The following DMD variants were observed in gnomAD, a reference collection of about 807,000 sequenced individuals.
DMD encodes mutant dystrophin.
In DMD, 63 loss-of-function variants were observed where a neutral mutation model predicts 330.1. The observed-to-expected ratio is 0.19, with a 90% CI of 0.16 to 0.24. DMD has a LOEUF of 0.24. Ranked by LOEUF, DMD falls within the 10% of genes least tolerant of loss-of-function variation. DMD has a pLI of 1.00. For synonymous variants in DMD, 1,223 were observed against 959.8 expected (o/e 1.27, Z -5.07); for missense variants, 3,344 against 2,684.1 (o/e 1.25, Z -5.43).
chrX:31,537,082 T>C (rs2073462541), intron 55 of DMD, among the ~76,000 whole-genome samples: 1 of 112,298 alleles, frequency 8.9e-6, no homozygotes, highest in South Asian at 3.6e-4. Flanking sequence ...TACCACCAAG[T>C]AATTACTGAG....
intron 60 of DMD, among the ~76,000 whole-genome samples, chrX:31,393,698 G>A (rs183995681): frequency 1.1e-3 from 117 of 110,965 alleles, no homozygotes; most frequent in Non-Finnish European, 1.6e-3. Flanking sequence ...CTCTTTGAGC[G>A]AGTGCTATTA....
rs142443049 is a variant in DMD at position 33,192,935 on chromosome X, T to G, written c.31+18347A>C. Among the ~76,000 whole-genome samples, 65 of 112,122 alleles carry G rather than the reference T, an allele frequency of 5.8e-4. No individual in the cohort carries two copies. The East Asian group carries it at 0.017, about 30-fold the overall frequency. Reference sequence around the variant, plus strand: ...ACAGGTGTTCACTCACACAGATGCATTCACGTACACACTATGAAACTTGAG... The same window carrying G: ...ACAGGTGTTCACTCACACAGATGCAGTCACGTACACACTATGAAACTTGAG... On this transcript the variant is annotated intron_variant, in intron 1 of 78. Transcript: ENST00000357033.
chrX:31,223,179 A>T, intron 63 of DMD, 58 bp from the exon 64 acceptor site: 1 of 1,038,291 alleles, frequency 9.6e-7, no homozygotes, highest in Non-Finnish European at 1.4e-6. Context: ...CAGACAACCC[A>T]CCCCCGACGC....
At chrX:32,411,697 T>A (rs1163092177) in intron 30 of DMD, 55 bp downstream of exon 30, 3 of 1,165,168 alleles carry the variant, frequency 2.6e-6, no homozygotes, top group Non-Finnish European at 3.5e-6. Context: ...CACTGCAACA[T>A]TTTGTTGAAG....
At chrX:31,888,548 T>C (rs759097463) in intron 47 of DMD, among the ~76,000 whole-genome samples, 50 of 112,078 alleles carry the variant, frequency 4.5e-4, no homozygotes, top group Non-Finnish European at 7.5e-4. Flanking sequence ...GCACGTAGTA[T>C]GAAATATTTG....
In DMD at chrX:31,728,077, C is replaced by T. The variant is rs1337537382; in HGVS notation, c.7660+1554G>A. ...TCGCTCTGTCGCCCAGGCTGGAGTGCAGTGGCGCAATCTCGGCTCACTGCA... is the reference window on the plus strand; with the variant it reads ...TCGCTCTGTCGCCCAGGCTGGAGTGTAGTGGCGCAATCTCGGCTCACTGCA... On this transcript the variant is annotated intron_variant, in intron 52 of 78. Transcript: ENST00000357033. Among the ~76,000 whole-genome samples, 3 of 112,638 alleles carry T rather than the reference C, an allele frequency of 2.7e-5. No homozygotes were observed. In the East Asian group the frequency reaches 8.4e-4, roughly 32 times the overall value.
intron 44 of DMD, among the ~76,000 whole-genome samples, chrX:32,053,634 T>G (rs2096135476): frequency 9.0e-6 from 1 of 110,956 alleles, no homozygotes. Flanking sequence ...GCCCTTGACT[T>G]TTGTCACTAT....
chrX:32,375,005 A>T (rs2097896028), intron 34 of DMD, among the ~76,000 whole-genome samples: 1 of 111,759 alleles, frequency 8.9e-6, no homozygotes, highest in Non-Finnish European at 1.9e-5. Flanking sequence ...TCACCCAGTG[A>T]CTTACAGATC....
chrX:32,319,513 T>C (rs1603630652), intron 41 of DMD, among the ~76,000 whole-genome samples: 1 of 111,987 alleles, frequency 8.9e-6, no homozygotes, highest in East Asian at 2.8e-4. Flanking sequence ...ATAATTTATA[T>C]TTAGGAATAT....
At chrX:32,968,243 A>C (rs747778152) in intron 2 of DMD, among the ~76,000 whole-genome samples, 44 of 62,335 alleles carry the variant, frequency 7.1e-4, no homozygotes, top group African/African-American at 4.7e-3. Flanking sequence ...TCCAACTTTC[A>C]AACAGATTTT....
At position 32,720,102 on chromosome X, in the gene DMD, TTCTA is replaced by T. The variant is rs779880490; in HGVS notation, c.650-20813_650-20810del. 4.8e-3 allele frequency among the ~76,000 whole-genome samples: 531 copies of T among 111,505 alleles called. 4 individuals carry two copies. The highest frequency in any genetic ancestry group is 7.7e-3 in the Non-Finnish European group (408 of 52,940). Reference sequence around the variant, plus strand: ...ACATTACTAGCATTTCTTTGACTGTTTCTATCTGACAGAGCCACTCAACACTCGT... The same window carrying T: ...ACATTACTAGCATTTCTTTGACTGTTTCTGACAGAGCCACTCAACACTCGT... On this transcript the variant is annotated intron_variant, in intron 7 of 78. Transcript: ENST00000357033.
chrX:33,036,799 G>T (rs1334124172), intron 1 of DMD, among the ~76,000 whole-genome samples: 1 of 71,545 alleles, frequency 1.4e-5, no homozygotes, highest in Non-Finnish European at 2.8e-5. Flanking sequence ...AAACATGAAT[G>T]CATGTGTGTG....
chrX:32,499,183 A>T (rs2148675025), intron 19 of DMD, among the ~76,000 whole-genome samples: 1 of 112,118 alleles, frequency 8.9e-6, no homozygotes, highest in Admixed American at 9.5e-5. Context: ...TAAATTTTTA[A>T]AAAGTAGTTT....
At chrX:32,489,556 A>G (rs1184709619) in intron 20 of DMD, among the ~76,000 whole-genome samples, 1 of 111,450 alleles carries the variant, frequency 9.0e-6, no homozygotes, top group Non-Finnish European at 1.9e-5. Context: ...CCAAACCTTG[A>G]TCCTGGACTT....
intron 48 of DMD, among the ~76,000 whole-genome samples, chrX:31,867,134 A>G (rs2093813176): frequency 9.2e-6 from 1 of 108,394 alleles, no homozygotes; most frequent in Admixed American, 9.9e-5. Flanking sequence ...TTGCAAAACA[A>G]TTATTTCGGT....
At chrX:32,620,894 G>A (rs767272095) in intron 11 of DMD, among the ~76,000 whole-genome samples, 3 of 111,762 alleles carry the variant, frequency 2.7e-5, no homozygotes, top group Non-Finnish European at 5.6e-5. Context: ...CAGTGTCCTC[G>A]CAGAACACAC....
At chrX:32,982,387 T>G (rs2092728340) in intron 2 of DMD, among the ~76,000 whole-genome samples, 1 of 111,883 alleles carries the variant, frequency 8.9e-6, no homozygotes, top group African/African-American at 3.2e-5. Context: ...GTTTTTATTA[T>G]ATCTGCACTA....
In DMD at chrX:31,348,647, G is replaced by A; in HGVS notation, c.9085-13C>T. 8.4e-7 allele frequency: 1 copy of A among 1,185,586 alleles called. No individual in the cohort carries two copies. The highest frequency in any genetic ancestry group is 1.8e-5 in the South Asian group (1 of 55,519). ...CCTCGACGGCCACCTGGGAGGAAAA[G>A]GAGAGAAATGATGTTCTCTCATTCT... On this transcript the variant is annotated splice_polypyrimidine_tract_variant and intron_variant, in intron 60 of 78. Transcript: ENST00000357033.
At chrX:33,094,807 C>CA (rs199716276) in intron 1 of DMD, among the ~76,000 whole-genome samples, 10,548 of 59,753 alleles carry the variant, frequency 0.18, 975 homozygotes, top group East Asian at 0.51. Flanking sequence ...GACTCCATCT[C>CA]AAAAAAAAAA....
Sources: allele counts gnomAD v4.1 joint callset (sites outside exome capture counted in the v4.1 genomes callset), GRCh38; gene constraint gnomAD v4.1.1; transcripts MANE v1.5; gene names NCBI Gene and HGNC (gene_info 2026-07-23, HGNC 2026-07-21).